ARHGAP20: variants seen among roughly 807,000 people sequenced by gnomAD.
ARHGAP20 encodes rho GTPase-activating protein 20.
ARHGAP20 carries 34 observed loss-of-function variants against 73.7 expected under a neutral mutation model. That is an observed-to-expected ratio of 0.46 (90% confidence interval 0.35 to 0.61). ARHGAP20 has a LOEUF of 0.61. ARHGAP20 is among the 20% of genes least tolerant of loss of function. The pLI is 0.00. For synonymous variants in ARHGAP20, 523 were observed against 518.2 expected (o/e 1.01, Z -0.13); for missense variants, 1,314 against 1,420.9 (o/e 0.92, Z 1.21).
intron 2 of ARHGAP20, among the ~76,000 whole-genome samples, chr11:110,661,226 T>C (rs1949604177): frequency 6.6e-6 from 1 of 152,152 alleles, no homozygotes; most frequent in Admixed American, 6.6e-5. Context: ...TATTTCAGTA[T>C]CCAGGTGCAC....
intron 1 of ARHGAP20, among the ~76,000 whole-genome samples, chr11:110,697,821 C>G: frequency 6.6e-6 from 1 of 151,490 alleles, no homozygotes; most frequent in East Asian, 1.9e-4. Context: ...TTTTAGTTGC[C>G]ACAGCCTTGT....
At chr11:110,709,358 T>C (rs747651861) in intron 1 of ARHGAP20, among the ~76,000 whole-genome samples, 23 of 152,218 alleles carry the variant, frequency 1.5e-4, no homozygotes, top group Non-Finnish European at 2.9e-4. Flanking sequence ...GCAGACACTA[T>C]TCTAGGTGCT....
At chr11:110,665,588 G>C (rs890909025) in intron 2 of ARHGAP20, among the ~76,000 whole-genome samples, 3 of 152,168 alleles carry the variant, frequency 2.0e-5, no homozygotes, top group African/African-American at 4.8e-5. Context: ...ACAGAGCCCA[G>C]CTTGAGGAGA....
chr11:110,608,696 T>C (rs181392634), intron 8 of ARHGAP20, among the ~76,000 whole-genome samples: 1 of 152,276 alleles, frequency 6.6e-6, no homozygotes, highest in East Asian at 1.9e-4. Context: ...ATTTCTTTCT[T>C]AGAAAAAAAT....
intron 3 of ARHGAP20, among the ~76,000 whole-genome samples, 154 bp downstream of exon 3, chr11:110,630,473 AT>A (rs35229947): frequency 0.16 from 24,246 of 151,440 alleles, 2,375 homozygotes; most frequent in East Asian, 0.31. Context: ...TGAACAATCG[AT>A]TTTTTTTTGC....
chr11:110,609,892 T>A, intron 7 of ARHGAP20, among the ~76,000 whole-genome samples: 1 of 152,164 alleles, frequency 6.6e-6, no homozygotes, highest in East Asian at 1.9e-4. Flanking sequence ...AGTCAAAAAA[T>A]GTGTTGTAAA....
At chr11:110,615,032 C>T (rs1388003546) in intron 5 of ARHGAP20, among the ~76,000 whole-genome samples, 1 of 152,118 alleles carries the variant, frequency 6.6e-6, no homozygotes, top group Non-Finnish European at 1.5e-5. Context: ...TCTCATTTAA[C>T]TCCCCAGTAG....
At chr11:110,601,469 T>TG (rs1478068549) in intron 9 of ARHGAP20, among the ~76,000 whole-genome samples, 1 of 152,232 alleles carries the variant, frequency 6.6e-6, no homozygotes, top group African/African-American at 2.4e-5. Context: ...GTGTGAGCTC[T>TG]GTTATAAAGT....
chr11:110,591,324 GACATGATA>G (rs901324693), intron 10 of ARHGAP20, among the ~76,000 whole-genome samples: 14 of 152,174 alleles, frequency 9.2e-5, no homozygotes, highest in African/African-American at 3.4e-4. Context: ...ATGAGATGAT[GACATGATA>G]ACAACTATCC....
chr11:110,662,020 A>G (rs1041641613), intron 2 of ARHGAP20, among the ~76,000 whole-genome samples: 18 of 152,160 alleles, frequency 1.2e-4, no homozygotes, highest in African/African-American at 4.3e-4. Context: ...ATTTACAGGA[A>G]ACTGTAGAAA....
intron 2 of ARHGAP20, among the ~76,000 whole-genome samples, chr11:110,658,815 T>A (rs1477421067): frequency 6.6e-6 from 1 of 152,130 alleles, no homozygotes; most frequent in Non-Finnish European, 1.5e-5. Context: ...TACCAGAGCC[T>A]GCAGTAGCTC....
intron 2 of ARHGAP20, among the ~76,000 whole-genome samples, chr11:110,671,873 G>C (rs1284157420): frequency 6.6e-6 from 1 of 152,100 alleles, no homozygotes; most frequent in African/African-American, 2.4e-5. Context: ...AGGTTCCAGA[G>C]TGAAAACGTA....
In ARHGAP20 at chr11:110,583,730, C is replaced by T; in HGVS notation, c.1423G>A (p.Asp475Asn). ...EKINTVQRLL[D>N]QLPRANVVLL... Reference sequence around the variant, plus strand: ...ACAACATTGGCTCTCGGAAGCTGGTCTAATAGCCTAAAGACAGAAAAATTA... The same window carrying T: ...ACAACATTGGCTCTCGGAAGCTGGTTTAATAGCCTAAAGACAGAAAAATTA... The change falls in exon 13 of 15, where the codon GAC (aspartate) becomes AAC (asparagine). Residue 475 changes from aspartate (D) to asparagine (N), a missense_variant. Coordinates refer to ENST00000683387, the MANE Select transcript of ARHGAP20 (RefSeq NM_001384657.1). The T allele has an allele frequency of 6.4e-7, 1 of 1,571,734 alleles. No individual in the cohort carries two copies. Among genetic ancestry groups the T allele is most frequent in the South Asian group, 1.2e-5 (1 of 85,222 alleles).
chr11:110,592,462 C>A (rs1279318319), intron 9 of ARHGAP20, among the ~76,000 whole-genome samples: 1 of 152,156 alleles, frequency 6.6e-6, no homozygotes, highest in Non-Finnish European at 1.5e-5. Flanking sequence ...CCTTATTGAA[C>A]TGTAACACCT....
intron 14 of ARHGAP20, among the ~76,000 whole-genome samples, chr11:110,581,518 T>C (rs1591290943): frequency 6.6e-6 from 1 of 152,354 alleles, no homozygotes; most frequent in African/African-American, 2.4e-5. Flanking sequence ...ATTGCCTTCA[T>C]GGTATAAGTA....
chr11:110,591,909 T>A, intron 10 of ARHGAP20, 68 bp downstream of exon 10: 5 of 1,516,684 alleles, frequency 3.3e-6, no homozygotes, highest in Non-Finnish European at 4.5e-6. Flanking sequence ...GGGGACAGAT[T>A]TACCTCGCAG....
At chr11:110,627,446 G>A (rs1948770212) in intron 3 of ARHGAP20, among the ~76,000 whole-genome samples, 1 of 152,132 alleles carries the variant, frequency 6.6e-6, no homozygotes, top group Non-Finnish European at 1.5e-5. Context: ...TAAGCTGACA[G>A]ATGTACTTTG....
chr11:110,601,875 A>C (rs1308894942), intron 9 of ARHGAP20, among the ~76,000 whole-genome samples: 1 of 151,886 alleles, frequency 6.6e-6, no homozygotes, highest in Non-Finnish European at 1.5e-5. Flanking sequence ...CTGTAATCCC[A>C]GCTATTCGGG....
At chr11:110,605,517 C>CA (rs533071901) in intron 9 of ARHGAP20, among the ~76,000 whole-genome samples, 35 of 151,604 alleles carry the variant, frequency 2.3e-4, no homozygotes, top group Non-Finnish European at 4.0e-4. Flanking sequence ...ACACTTAAGG[C>CA]AAAAAAAACT....
Sources: allele counts gnomAD v4.1 joint callset (sites outside exome capture counted in the v4.1 genomes callset), GRCh38; gene constraint gnomAD v4.1.1; transcripts MANE v1.5; gene names NCBI Gene and HGNC (gene_info 2026-07-23, HGNC 2026-07-21).